DCC: variants seen among roughly 807,000 people sequenced by gnomAD.
DCC encodes the protein netrin receptor DCC.
A neutral mutation model predicts 172.5 loss-of-function variants in DCC; 58 were observed. That is an observed-to-expected ratio of 0.34 (90% CI 0.27 to 0.42). The LOEUF (loss-of-function observed/expected upper bound fraction) is 0.42. Ranked by LOEUF, DCC falls within the 10% of genes least tolerant of loss-of-function variation. The pLI is 1.00. For synonymous variants in DCC, 709 were observed against 644.5 expected (o/e 1.10, Z -1.52); for missense variants, 1,740 against 1,791.0 (o/e 0.97, Z 0.51).
chr18:52,920,512 A>G (rs573662417), intron 3 of DCC, among the ~76,000 whole-genome samples: 20 of 152,150 alleles, frequency 1.3e-4, no homozygotes, highest in Non-Finnish European at 2.8e-4. Context: ...CGTGTATTAG[A>G]ATGGCTAAAA....
At chr18:52,541,427 T>G (rs1256625677) in intron 1 of DCC, among the ~76,000 whole-genome samples, 1 of 152,156 alleles carries the variant, frequency 6.6e-6, no homozygotes. Context: ...TTAACCTCTG[T>G]TTTCTATGAT....
chr18:52,690,831 C>A (rs546392309), intron 1 of DCC, among the ~76,000 whole-genome samples: 2 of 151,996 alleles, frequency 1.3e-5, no homozygotes, highest in Non-Finnish European at 2.9e-5. Flanking sequence ...ATAAAAACTG[C>A]ATATGGTGTG....
intron 1 of DCC, among the ~76,000 whole-genome samples, chr18:52,560,213 C>T (rs952290682): frequency 3.3e-5 from 5 of 152,058 alleles, no homozygotes; most frequent in Admixed American, 3.3e-4. Context: ...GTGCCTCTGT[C>T]GCAGGAAAGC....
At chr18:53,373,200 T>C (rs1394797654) in intron 15 of DCC, among the ~76,000 whole-genome samples, 3 of 152,172 alleles carry the variant, frequency 2.0e-5, no homozygotes, top group African/African-American at 7.2e-5. Context: ...GAATGTATTT[T>C]TCTGGGACCC....
chr18:52,437,597 CT>C (rs538539744), intron 1 of DCC, among the ~76,000 whole-genome samples: 11 of 152,144 alleles, frequency 7.2e-5, no homozygotes, highest in Non-Finnish European at 1.0e-4. Flanking sequence ...TTGTACAGGT[CT>C]TTTAATTCTC....
intron 2 of DCC, among the ~76,000 whole-genome samples, chr18:52,837,127 C>A (rs2031084242): frequency 6.6e-6 from 1 of 152,196 alleles, no homozygotes. Context: ...AGTCCCTAGG[C>A]TGCACACAGC....
At chr18:52,548,475 G>A (rs150029914) in intron 1 of DCC, among the ~76,000 whole-genome samples, 5 of 152,102 alleles carry the variant, frequency 3.3e-5, no homozygotes, top group South Asian at 2.1e-4. Flanking sequence ...ATTAGTCAAC[G>A]TTAGCATCTC....
chr18:52,356,214 G>A (rs368450316), intron 1 of DCC, among the ~76,000 whole-genome samples: 32 of 152,290 alleles, frequency 2.1e-4, no homozygotes, highest in African/African-American at 7.0e-4. Flanking sequence ...GGTCTCAGAA[G>A]CTCAGGGAAG....
At chr18:52,840,825 T>G (rs2038791611) in intron 2 of DCC, among the ~76,000 whole-genome samples, 1 of 152,224 alleles carries the variant, frequency 6.6e-6, no homozygotes, top group Non-Finnish European at 1.5e-5. Context: ...CCAAACACAT[T>G]CTTCCAGGTG....
intron 1 of DCC, among the ~76,000 whole-genome samples, chr18:52,612,496 G>A (rs767750584): frequency 8.0e-5 from 12 of 149,516 alleles, no homozygotes; most frequent in Non-Finnish European, 1.2e-4. Flanking sequence ...ATCAATCTCT[G>A]CTTAAAACCC....
intron 5 of DCC, 79 bp downstream of exon 5, chr18:52,925,449 A>G (rs1295467060): frequency 7.0e-7 from 1 of 1,422,478 alleles, no homozygotes; most frequent in Non-Finnish European, 9.9e-7. Context: ...TCATCACTGA[A>G]TTGATTCCTA....
intron 2 of DCC, among the ~76,000 whole-genome samples, chr18:52,786,068 G>C (rs967620987): frequency 1.3e-5 from 2 of 152,078 alleles, no homozygotes; most frequent in Non-Finnish European, 2.9e-5. Flanking sequence ...AGCAGAGTGA[G>C]TATAGCAAAT....
chr18:53,022,220 G>T (rs1394929423), intron 5 of DCC, among the ~76,000 whole-genome samples: 1 of 151,912 alleles, frequency 6.6e-6, no homozygotes, highest in East Asian at 1.9e-4. Context: ...TTTAAAAAGG[G>T]TTAACCTCAA....
intron 26 of DCC, among the ~76,000 whole-genome samples, chr18:53,497,574 A>G (rs2046039884): frequency 6.6e-6 from 1 of 152,254 alleles, no homozygotes; most frequent in African/African-American, 2.4e-5. Context: ...AAATGAGTCA[A>G]AAGTCAAACC....
chr18:52,493,945 A>C (rs188938434), intron 1 of DCC, among the ~76,000 whole-genome samples: 18 of 152,154 alleles, frequency 1.2e-4, no homozygotes, highest in Admixed American at 2.6e-4. Flanking sequence ...TCTGTTTCTC[A>C]TCATTCCATC....
intron 9 of DCC, among the ~76,000 whole-genome samples, chr18:53,202,282 A>T (rs1318939448): frequency 6.6e-6 from 1 of 152,220 alleles, no homozygotes; most frequent in African/African-American, 2.4e-5. Context: ...GGGGCATGTC[A>T]CAGGGACAGA....
intron 2 of DCC, among the ~76,000 whole-genome samples, chr18:52,825,284 T>C (rs9957838): frequency 0.27 from 40,429 of 152,028 alleles, 5,510 homozygotes; most frequent in South Asian, 0.3. Context: ...AAAATGCACA[T>C]GATTCTGCCT....
rs997187055 is a variant in DCC at position 52,468,788 on chromosome 18, T to C, written c.91+127910T>C. On this transcript the variant is annotated intron_variant, in intron 1 of 28. Transcript: ENST00000442544. The stretch of plus-strand genomic sequence containing the variant: ...GTCTACACATCTATTTCAAAACTCA[T>C]AAGAGATGTTGCAACACTAAATTTG... 3.9e-5 allele frequency among the ~76,000 whole-genome samples: 6 copies of C among 152,268 alleles called. No homozygotes were observed. In the East Asian group the frequency reaches 9.6e-4, roughly 24 times the overall value.
chr18:52,803,474 G>T (rs543403420), intron 2 of DCC, among the ~76,000 whole-genome samples: 1 of 151,866 alleles, frequency 6.6e-6, no homozygotes, highest in Non-Finnish European at 1.5e-5. Context: ...TACTGTGAAC[G>T]GTGCCATGTA....
Sources: gnomAD v4.1 joint callset for allele counts (sites outside exome capture counted in the v4.1 genomes callset) on GRCh38, gnomAD v4.1.1 for gene constraint, MANE v1.5 for transcripts, NCBI Gene and HGNC (gene_info 2026-07-23, HGNC 2026-07-21) for gene names.